Variants in PCDHA9 observed in about 807,000 individuals in gnomAD.
PCDHA9 encodes the protein protocadherin alpha 9.
A neutral mutation model predicts 62.0 loss-of-function variants in PCDHA9; 62 were observed. That is an observed-to-expected ratio of 1.00 (90% CI 0.81 to 1.23). The LOEUF (loss-of-function observed/expected upper bound fraction) is 1.23. Ranked by LOEUF, PCDHA9 falls within the 50% of genes most tolerant of loss-of-function variation. The probability of loss-of-function intolerance (pLI) is 0.00; values close to 1 mark genes in which losing one functional copy is unlikely to be tolerated. For synonymous variants in PCDHA9, 557 were observed against 567.6 expected (o/e 0.98, Z 0.27); for missense variants, 1,205 against 1,249.8 (o/e 0.96, Z 0.54).
chr5:141,005,821 C>T (rs557161446), intron 3 of PCDHA9, among the ~76,000 whole-genome samples: 1 of 150,884 alleles, frequency 6.6e-6, no homozygotes, highest in African/African-American at 2.4e-5. Context: ...GGTATGGTGG[C>T]CTGTAGTCCC....
intron 1 of PCDHA9, among the ~76,000 whole-genome samples, chr5:140,872,956 T>C (rs2054003251): frequency 6.6e-6 from 1 of 152,228 alleles, no homozygotes; most frequent in Admixed American, 6.5e-5. Context: ...CCACGTAGTA[T>C]CATCCCATCT....
intron 1 of PCDHA9, among the ~76,000 whole-genome samples, chr5:140,941,202 C>CCTTCCTTTCTTTCTTT (rs1554213920): frequency 7.0e-4 from 86 of 122,822 alleles, no homozygotes; most frequent in Admixed American, 2.1e-3. Context: ...TTTCTTTCTT[C>CCTTCCTTTCTTTCTTT]CTTTCTTTCT....
At chr5:140,920,930 T>C (rs1286502333) in intron 1 of PCDHA9, among the ~76,000 whole-genome samples, 1 of 151,962 alleles carries the variant, frequency 6.6e-6, no homozygotes, top group Non-Finnish European at 1.5e-5. Flanking sequence ...GTAGGTGATC[T>C]AGCCCTTTCA....
intron 1 of PCDHA9, chr5:140,927,000 A>G (rs1554203899): frequency 1.2e-6 from 2 of 1,612,352 alleles, no homozygotes; most frequent in Non-Finnish European, 1.7e-6. Flanking sequence ...GCGTAGCCGT[A>G]GGCAATCTCT....
intron 3 of PCDHA9, among the ~76,000 whole-genome samples, chr5:140,995,258 A>C (rs2097672609): frequency 6.6e-6 from 1 of 152,164 alleles, no homozygotes; most frequent in Non-Finnish European, 1.5e-5. Flanking sequence ...AGGGTACTTG[A>C]ATACAAGCCC....
chr5:140,883,289 C>T, intron 1 of PCDHA9: 2 of 1,614,022 alleles, frequency 1.2e-6, no homozygotes, highest in African/African-American at 1.3e-5. Context: ...GGTGGAAGTA[C>T]TAGATGTAAA....
Position 140,917,327 on chromosome 5 carries a change from G to A in PCDHA9, c.2395-61622G>A, listed in dbSNP as rs1219338384. ...TTACAATTTGGTGTTCATGTGGCGG[G>A]GGAGGGGGGGGATGGTGTAGGCTTC... On this transcript the variant is annotated intron_variant, in intron 1 of 3. Coordinates refer to ENST00000532602, the MANE Select transcript of PCDHA9 (RefSeq NM_031857.2). Among the ~76,000 whole-genome samples, 73 of 149,528 alleles carry A rather than the reference G, an allele frequency of 4.9e-4. 3 individuals carry two copies. Among genetic ancestry groups the A allele is most frequent in the African/African-American group, 1.3e-3 (54 of 40,384 alleles).
intron 1 of PCDHA9, among the ~76,000 whole-genome samples, chr5:140,936,994 TA>T (rs1472246875): frequency 6.6e-6 from 1 of 152,140 alleles, no homozygotes; most frequent in Non-Finnish European, 1.5e-5. Context: ...ACATTGACAA[TA>T]TTGAGACAGA....
intron 1 of PCDHA9, chr5:140,881,374 G>A: frequency 3.0e-6 from 3 of 984,938 alleles, no homozygotes; most frequent in Non-Finnish European, 3.6e-6. Flanking sequence ...ATGAATTGCA[G>A]CCGGCGGCGG....
At chr5:140,859,573 C>T (rs1254151950) in intron 1 of PCDHA9, 4 of 174,136 alleles carry the variant, frequency 2.3e-5, no homozygotes, top group African/African-American at 9.5e-5. Flanking sequence ...ATGAATTTGT[C>T]ATCTTGCCTA....
chr5:140,859,385 G>C (rs1252027820), intron 1 of PCDHA9: 2 of 270,486 alleles, frequency 7.4e-6, no homozygotes, highest in African/African-American at 4.6e-5. Flanking sequence ...AGCTTCTCTA[G>C]TCATCTTAAA....
chr5:140,872,850 G>A (rs1439631581), intron 1 of PCDHA9, among the ~76,000 whole-genome samples: 2 of 152,084 alleles, frequency 1.3e-5, no homozygotes, highest in East Asian at 3.8e-4. Context: ...ATATATTAAT[G>A]TGAGTACCTA....
intron 3 of PCDHA9, among the ~76,000 whole-genome samples, chr5:140,999,451 C>T (rs1245812469): frequency 4.6e-5 from 7 of 152,084 alleles, no homozygotes; most frequent in African/African-American, 9.7e-5. Context: ...ATTCGTTCAA[C>T]GAATAAGTGG....
intron 3 of PCDHA9, among the ~76,000 whole-genome samples, chr5:140,991,237 A>G (rs2097440162): frequency 6.6e-6 from 1 of 152,186 alleles, no homozygotes; most frequent in African/African-American, 2.4e-5. Context: ...ATGCAGTGGT[A>G]AAGGCAGTAT....
At chr5:140,877,205 GCGAGTTGGTACCGCGGT>G in intron 1 of PCDHA9, 1 of 1,613,826 alleles carries the variant, frequency 6.2e-7, no homozygotes, top group Non-Finnish European at 8.5e-7. Flanking sequence ...GGCGCAGTTA[GCGAGTTGGTACCGCGGT>G]CGGTGGGTGC....
chr5:140,926,891 G>A, intron 1 of PCDHA9: 9 of 1,545,914 alleles, frequency 5.8e-6, no homozygotes, highest in Non-Finnish European at 7.9e-6. Context: ...CCTAGAGGGA[G>A]GATGGTGGGC....
intron 1 of PCDHA9, chr5:140,967,929 G>C (rs1554230126): frequency 6.2e-7 from 1 of 1,614,214 alleles, no homozygotes; most frequent in Non-Finnish European, 8.5e-7. Flanking sequence ...GCCGTTCTCA[G>C]TGTCAATGAC....
intron 1 of PCDHA9, chr5:140,967,908 A>T (rs554849478): frequency 6.2e-7 from 1 of 1,614,138 alleles, no homozygotes; most frequent in Non-Finnish European, 8.5e-7. Context: ...GCTACACCCA[A>T]CACCATTGTG....
At chr5:140,882,860 A>G in intron 1 of PCDHA9, 1 of 1,614,218 alleles carries the variant, frequency 6.2e-7, no homozygotes, top group Non-Finnish European at 8.5e-7. Context: ...TGTACTGAGG[A>G]AAACACTGGA....
Sources: allele counts gnomAD v4.1 joint callset (sites outside exome capture counted in the v4.1 genomes callset), GRCh38; gene constraint gnomAD v4.1.1; transcripts MANE v1.5; gene names NCBI Gene and HGNC (gene_info 2026-07-23, HGNC 2026-07-21).